CAMK2A: variants seen among roughly 807,000 people sequenced by gnomAD.
The protein encoded by CAMK2A is calcium/calmodulin dependent protein kinase II alpha.
In CAMK2A, 7 loss-of-function variants were observed where a neutral mutation model predicts 79.2. The observed-to-expected ratio is 0.09, with a 90% CI of 0.05 to 0.17. The LOEUF (loss-of-function observed/expected upper bound fraction) is 0.17, where lower values mean the gene tolerates loss of function less well. Ranked by LOEUF, CAMK2A falls within the 10% of genes least tolerant of loss-of-function variation. The pLI, the probability that CAMK2A is intolerant of heterozygous loss-of-function variation, is 1.00. For synonymous variants in CAMK2A, 242 were observed against 251.7 expected (o/e 0.96, Z 0.36); for missense variants, 214 against 646.4 (o/e 0.33, Z 7.25).
At chr5:150,247,687 TG>T in intron 12 of CAMK2A, 84 bp downstream of exon 12, 1 of 1,136,940 alleles carries the variant, frequency 8.8e-7, no homozygotes, top group Non-Finnish European at 1.3e-6. Flanking sequence ...CCCAGTGGCC[TG>T]GGGGCACTCC....
chr5:150,272,927 C>T (rs1223081266), intron 2 of CAMK2A, 138 bp downstream of exon 2: 4 of 676,444 alleles, frequency 5.9e-6, no homozygotes, highest in African/African-American at 1.8e-5. Flanking sequence ...TCATGACACC[C>T]CGGGAAGAGC....
intron 4 of CAMK2A, 133 bp downstream of exon 4, chr5:150,257,430 G>C: frequency 2.8e-6 from 2 of 726,670 alleles, no homozygotes; most frequent in Non-Finnish European, 4.9e-6. Context: ...TGCACTGCTT[G>C]GGTGGCAGGC....
chr5:150,250,787 A>G lies in CAMK2A; in HGVS notation c.717T>C (p.Thr239=). The G allele has an allele frequency of 6.2e-7, 1 of 1,614,060 alleles. No homozygotes were observed. The highest frequency in any genetic ancestry group is 8.5e-7 in the Non-Finnish European group (1 of 1,179,922). Residue 239 remains threonine, a synonymous_variant, in exon 10 of 19, where the codon ACT becomes ACC. Transcript: ENST00000671881. The part of the protein sequence containing the change: ...AYDFPSPEWD[T]VTPEAKDLIN... ...TCAGATCCTTGGCTTCCGGGGTGACAGTGTCCCATTCCGGCGATGGGAACT... is the reference window on the plus strand; with the variant it reads ...TCAGATCCTTGGCTTCCGGGGTGACGGTGTCCCATTCCGGCGATGGGAACT...
chr5:150,238,960 A>T (rs77939338), intron 14 of CAMK2A, among the ~76,000 whole-genome samples: 4,100 of 152,222 alleles, frequency 0.027, 176 homozygotes, highest in African/African-American at 0.094. Context: ...GGGGAAAGGG[A>T]TGGCTGCAAA....
At chr5:150,245,004 G>C (rs1223831806) in intron 13 of CAMK2A, among the ~76,000 whole-genome samples, 157 bp downstream of exon 13, 1 of 152,044 alleles carries the variant, frequency 6.6e-6, no homozygotes, top group African/African-American at 2.4e-5. Flanking sequence ...CCAAAGCCTA[G>C]GTCGTGGGTC....
rs1030533494 is a variant in CAMK2A, at chr5:150,280,851, C to T, written c.63-7692G>A. ...ATTGCTGCTCCCGGCCTCTTTCTAC[C>T]CACCCTCTTACCACTCCTGCCCATC... On this transcript the variant is annotated intron_variant, in intron 1 of 18. Coordinates refer to ENST00000671881, the MANE Select transcript of CAMK2A (RefSeq NM_015981.4). Among the ~76,000 whole-genome samples, 8 of 152,190 alleles carry T rather than the reference C, an allele frequency of 5.3e-5. No individual in the cohort carries two copies. The East Asian group carries it at 7.7e-4, about 15-fold the overall frequency.
At chr5:150,246,565 T>C (rs777399219) in intron 12 of CAMK2A, among the ~76,000 whole-genome samples, 2 of 152,194 alleles carry the variant, frequency 1.3e-5, no homozygotes, top group African/African-American at 4.8e-5. Flanking sequence ...TATCAAGAGA[T>C]TCAATCCAGC....
intron 14 of CAMK2A, 30 bp from the exon 15 acceptor site, chr5:150,238,778 G>T (rs548464639): frequency 6.3e-7 from 1 of 1,575,252 alleles, no homozygotes; most frequent in South Asian, 1.2e-5. Context: ...AGATGGTGAG[G>T]CCTGCCTGGG....
At chr5:150,227,590 A>G (rs1754660574) in intron 17 of CAMK2A, among the ~76,000 whole-genome samples, 1 of 152,176 alleles carries the variant, frequency 6.6e-6, no homozygotes, top group Non-Finnish European at 1.5e-5. Context: ...GGTCAGCCCC[A>G]GCCTCAACCC....
chr5:150,278,979 C>T (rs973491811), intron 1 of CAMK2A, among the ~76,000 whole-genome samples: 1 of 152,128 alleles, frequency 6.6e-6, no homozygotes, highest in Admixed American at 6.5e-5. Flanking sequence ...AAGTCTCAGC[C>T]CTCAGCCCTG....
intron 12 of CAMK2A, chr5:150,245,477 C>A: frequency 2.1e-6 from 1 of 475,514 alleles, no homozygotes; most frequent in Non-Finnish European, 3.8e-6. Context: ...CAACATGTCC[C>A]AGGACTGTGG....
At chr5:150,238,848 C>T in intron 14 of CAMK2A, 100 bp from the exon 15 acceptor site, 2 of 972,000 alleles carry the variant, frequency 2.1e-6, no homozygotes, top group East Asian at 2.7e-5. Context: ...TTCTGTGAGC[C>T]TCACAGGCTC....
chr5:150,239,979 G>A (rs919615537), intron 13 of CAMK2A, among the ~76,000 whole-genome samples: 2 of 152,148 alleles, frequency 1.3e-5, no homozygotes, highest in African/African-American at 2.4e-5. Flanking sequence ...TGGGTCTAGC[G>A]ATCTAACAGC....
rs568739168 is a variant in CAMK2A, at chr5:150,251,734, G to C, written c.693+16C>G. 3.2e-6 allele frequency: 5 copies of C among 1,571,954 alleles called. No individual in the cohort carries two copies. The highest frequency in any genetic ancestry group is 3.6e-4 in the Middle Eastern group (2 of 5,614). ...ACCAGAGGATGATGGGAGCTGAAGA[G>C]AGGAGCGACACTCACATCATAGGCG... On this transcript the variant is annotated intron_variant, in intron 9 of 18. Coordinates refer to ENST00000671881, the MANE Select transcript of CAMK2A (RefSeq NM_015981.4).
At chr5:150,257,653 C>G in intron 3 of CAMK2A, 36 bp from the exon 4 acceptor site, 1 of 1,509,656 alleles carries the variant, frequency 6.6e-7, no homozygotes, top group Non-Finnish European at 9.0e-7. Flanking sequence ...TACAGTGGGA[C>G]ACACTGCTGC....
intron 1 of CAMK2A, among the ~76,000 whole-genome samples, chr5:150,278,063 C>T (rs912799670): frequency 1.3e-5 from 2 of 152,210 alleles, no homozygotes; most frequent in Non-Finnish European, 2.9e-5. Flanking sequence ...AACTGTGTGA[C>T]GCTGAACTTG....
intron 1 of CAMK2A, among the ~76,000 whole-genome samples, chr5:150,274,025 A>G (rs1412411174): frequency 6.6e-6 from 1 of 152,224 alleles, no homozygotes; most frequent in Non-Finnish European, 1.5e-5. Context: ...TAAAGATTGT[A>G]CCAACTCACT....
rs143386104 is a variant in CAMK2A, at chr5:150,226,603, G to T, written c.1237+1589C>A. 1.6e-3 allele frequency among the ~76,000 whole-genome samples: 247 copies of T among 151,284 alleles called. 4 individuals carry two copies. The East Asian group carries it at 0.031, about 19-fold the overall frequency. On this transcript the variant is annotated intron_variant, in intron 17 of 18. Coordinates refer to ENST00000671881, the MANE Select transcript of CAMK2A (RefSeq NM_015981.4). ...AATATAAAAATTAGCCGGGTGTGTT[G>T]GCGGGCACCTGTAATCCCAGCTACT...
rs559270199 is a variant in CAMK2A at position 150,287,190 on chromosome 5, G to A, written c.62+2374C>T. Among the ~76,000 whole-genome samples the A allele has an allele frequency of 3.1e-4, 47 of 152,308 alleles. 1 individual carries two copies. The highest frequency in any genetic ancestry group is 1.1e-3 in the African/African-American group (47 of 41,566). On this transcript the variant is annotated intron_variant, in intron 1 of 18. Coordinates refer to ENST00000671881, the MANE Select transcript of CAMK2A (RefSeq NM_015981.4). ...CACAGACATCAGGGGTGCGGAATCAGTCCACTTTATCCCCTTGTCTCTAAC... is the reference window on the plus strand; with the variant it reads ...CACAGACATCAGGGGTGCGGAATCAATCCACTTTATCCCCTTGTCTCTAAC...
Sources: allele counts gnomAD v4.1 joint callset (sites outside exome capture counted in the v4.1 genomes callset), GRCh38; gene constraint gnomAD v4.1.1; transcripts MANE v1.5; gene names NCBI Gene and HGNC (gene_info 2026-07-23, HGNC 2026-07-21).